Variants in IPO11 observed in about 807,000 individuals in gnomAD.
IPO11 encodes the protein importin 11, also known as importin-11.
In IPO11, 66 loss-of-function variants were observed where a neutral mutation model predicts 143.2. The ratio of observed to expected loss-of-function variants is 0.46; its 90% CI spans 0.38 to 0.57. The LOEUF (loss-of-function observed/expected upper bound fraction) is 0.57, where lower values mean the gene tolerates loss of function less well. Among genes scored for constraint, IPO11 ranks in the 20% least tolerant of loss-of-function variants. IPO11 has a pLI of 0.00. For missense variants in IPO11, 1,026 were observed against 1,141.0 expected (o/e 0.90, Z 1.45); for synonymous variants, 385 against 377.8 (o/e 1.02, Z -0.22).
chr5:62,438,119 G>A (rs1744306335), intron 2 of IPO11, among the ~76,000 whole-genome samples: 1 of 152,156 alleles, frequency 6.6e-6, no homozygotes, highest in African/African-American at 2.4e-5. Flanking sequence ...AACTGACTCA[G>A]TATTTGTGAC....
At chr5:62,598,523 TTTCTTTTCTTTC>T (rs1231325635) in intron 28 of IPO11, among the ~76,000 whole-genome samples, 2 of 11,648 alleles carry the variant, frequency 1.7e-4, no homozygotes, top group Non-Finnish European at 2.5e-4. Flanking sequence ...TCTTTCTTTC[TTTCTTTTCTTTC>T]TTTTCTTTCT....
At chr5:62,591,519 A>G in intron 27 of IPO11, 58 bp from the exon 28 acceptor site, 1 of 1,015,968 alleles carries the variant, frequency 9.8e-7, no homozygotes, top group Non-Finnish European at 1.4e-6. Context: ...GGAAAAAAAA[A>G]ACAAAAAGAA....
At chr5:62,614,234 A>G (rs546546304) in intron 29 of IPO11, among the ~76,000 whole-genome samples, 1 of 152,296 alleles carries the variant, frequency 6.6e-6, no homozygotes, top group African/African-American at 2.4e-5. Context: ...CATCCCCACA[A>G]TTGTCTTACT....
chr5:62,539,764 G>T (rs1191755065), intron 24 of IPO11, among the ~76,000 whole-genome samples: 1 of 152,094 alleles, frequency 6.6e-6, no homozygotes, highest in South Asian at 2.1e-4. Flanking sequence ...AATTTTTATT[G>T]CATTTATGCC....
chr5:62,610,831 T>G (rs1458360304), intron 29 of IPO11, among the ~76,000 whole-genome samples: 1 of 152,198 alleles, frequency 6.6e-6, no homozygotes, highest in East Asian at 1.9e-4. Context: ...CATTGATCTT[T>G]ATAATCAGTA....
intron 22 of IPO11, among the ~76,000 whole-genome samples, chr5:62,533,208 CTT>C (rs893780697): frequency 6.9e-5 from 8 of 116,582 alleles, no homozygotes; most frequent in African/African-American, 2.8e-4. Context: ...TTCTTTCTTT[CTT>C]TCTTCTTTTT....
intron 5 of IPO11, among the ~76,000 whole-genome samples, chr5:62,464,047 C>A (rs1262704061): frequency 6.6e-6 from 1 of 151,474 alleles, no homozygotes; most frequent in Non-Finnish European, 1.5e-5. Context: ...TGGTCTCGAA[C>A]TCCTGACCTC....
In IPO11 at chr5:62,435,082, GTGTATATATGTATATATGTATATATA is replaced by G. The variant is rs1561308698; in HGVS notation, c.-6-2130_-6-2105del. ...TATATGTATATATATGTATATATAT[GTGTATATATGTATATATGTATATATA>G]TGTATATATGTATATATGTATATAT... On this transcript the variant is annotated intron_variant, in intron 1 of 29. Coordinates refer to ENST00000325324, the MANE Select transcript of IPO11 (RefSeq NM_016338.5). Among the ~76,000 whole-genome samples, 15 of 94,502 alleles carry G rather than the reference GTGTATATATGTATATATGTATATATA, an allele frequency of 1.6e-4. 1 individual carries two copies. Among genetic ancestry groups the G allele is most frequent in the East Asian group, 2.9e-4 (1 of 3,422 alleles). 62.0% of individuals were successfully genotyped at this position (94,502 alleles called of 152,430 possible).
At chr5:62,572,545 G>GTTTGTTTATTTATTTA (rs375958074) in intron 27 of IPO11, among the ~76,000 whole-genome samples, 486 of 86,076 alleles carry the variant, frequency 5.6e-3, no homozygotes, top group African/African-American at 0.019. Context: ...ATATTTGTTT[G>GTTTGTTTATTTATTTA]TTTATTTATT....
intron 24 of IPO11, among the ~76,000 whole-genome samples, chr5:62,547,716 T>G (rs887147256): frequency 3.6e-4 from 55 of 152,214 alleles, no homozygotes; most frequent in African/African-American, 1.3e-3. Flanking sequence ...ACATTAATTC[T>G]AAGTACTCCC....
rs771115119 is a variant in IPO11 at position 62,489,308 on chromosome 5, C to T, written c.1316C>T (p.Thr439Ile). 8 of 1,549,864 alleles carry T rather than the reference C, an allele frequency of 5.2e-6. No homozygotes were observed. The highest frequency in any genetic ancestry group is 1.2e-5 in the South Asian group (1 of 82,020). Residue 439 changes from threonine (T) to isoleucine (I), a missense_variant, in exon 14 of 30, where the codon ACA becomes ATA. Transcript: ENST00000325324. ...LEMMQTLQGP[T>I]NVEDMNALLI... ...TTATATATATATTTTTTAGGACCCA[C>T]AAATGTGGAAGATATGAATGCACTG... is the stretch of plus-strand genomic sequence containing the variant.
At chr5:62,593,500 A>C (rs189074434) in intron 28 of IPO11, among the ~76,000 whole-genome samples, 1 of 152,256 alleles carries the variant, frequency 6.6e-6, no homozygotes, top group East Asian at 1.9e-4. Context: ...AAATAACAAC[A>C]ACAACAAAAA....
At chr5:62,624,162 G>A (rs1319058147) in intron 29 of IPO11, among the ~76,000 whole-genome samples, 1 of 152,078 alleles carries the variant, frequency 6.6e-6, no homozygotes, top group Non-Finnish European at 1.5e-5. Flanking sequence ...AGTCTCCCAA[G>A]TAGCTGAGAT....
At chr5:62,463,672 CA>C (rs34276216) in intron 5 of IPO11, among the ~76,000 whole-genome samples, 8,688 of 113,778 alleles carry the variant, frequency 0.076, 243 homozygotes, top group South Asian at 0.11. Context: ...CTCTTTGTCT[CA>C]AAAAAAAAAA....
rs184449341 is a variant in IPO11 at position 62,594,348 on chromosome 5, G to A, written c.2678+2676G>A. On this transcript the variant is annotated intron_variant, in intron 28 of 29. Transcript: ENST00000325324. ...TGTCCCTCCAGTGTGGAAATCACCA[G>A]TGGACCTCCATTGAGTACAGAATAC... is the stretch of plus-strand genomic sequence containing the variant. Among the ~76,000 whole-genome samples the A allele has an allele frequency of 3.4e-4, 51 of 152,182 alleles. 1 individual carries two copies. The highest frequency in any genetic ancestry group is 3.3e-3 in the Admixed American group (51 of 15,278).
rs1302443656 is a variant in IPO11 at position 62,537,133 on chromosome 5, A to G, written c.2170-76A>G. 13 of 856,620 alleles carry G rather than the reference A, an allele frequency of 1.5e-5. 1 individual carries two copies. The South Asian group carries it at 2.1e-4, about 14-fold the overall frequency. 53.1% of individuals were successfully genotyped at this position (856,620 alleles called of 1,614,324 possible). On this transcript the variant is annotated intron_variant, in intron 23 of 29. Transcript: ENST00000325324. ...ATAATTCTCAAGTATATTATAATGA[A>G]TCCCAAATGAAATTTTATGCCTTTT...
chr5:62,445,395 A>G (rs1207425186), intron 3 of IPO11, among the ~76,000 whole-genome samples: 1 of 152,146 alleles, frequency 6.6e-6, no homozygotes, highest in Non-Finnish European at 1.5e-5. Flanking sequence ...AATGTTAATT[A>G]TTATTAGAGA....
In IPO11 at chr5:62,526,194, A is replaced by G. The variant is rs778331137; in HGVS notation, c.1949A>G (p.Gln650Arg). Reference protein sequence around the residue: ...NLYPFLLPVIQLSTDVSQPPH... With the variant: ...NLYPFLLPVIRLSTDVSQPPH... ...TACCCTTTCCTGCTCCCAGTTATTC[A>G]ACTGAGTACAGATGTTTCACAGCCT... The change falls in exon 21 of 30, where the codon CAA becomes CGA. Residue 650 changes from glutamine (Q) to arginine (R), a missense_variant. Gln to Arg is a conservative substitution (Grantham distance 43). Transcript: ENST00000325324. The G allele has an allele frequency of 6.2e-7, 1 of 1,613,790 alleles. No homozygotes were observed. The highest frequency in any genetic ancestry group is 1.1e-5 in the South Asian group (1 of 91,078).
At position 62,537,213 on chromosome 5, in the gene IPO11, A is replaced by G. The variant is rs559321834; in HGVS notation, c.2174A>G (p.Tyr725Cys). ...FLSSTEFLQT[Y>C]AVGLCQSFCE... The stretch of plus-strand genomic sequence containing the variant: ...TGACTTTTAATTGAATTTCAGACAT[A>G]CGCAGTAGGTCTATGCCAGTCCTTT... Residue 725 changes from tyrosine (Y) to cysteine (C), a missense_variant, in exon 24 of 30, where the codon TAC (tyrosine) becomes TGC (cysteine). This residue lies in a region of IPO11 where 351 missense variants were observed against 358.9 expected (regional missense o/e 0.98). Transcript: ENST00000325324. 4.4e-6 allele frequency: 7 copies of G among 1,583,474 alleles called. No homozygotes were observed. In the South Asian group the frequency reaches 5.7e-5, roughly 13 times the overall value.
Sources: allele counts gnomAD v4.1 joint callset (sites outside exome capture counted in the v4.1 genomes callset), GRCh38; gene constraint gnomAD v4.1.1; regional missense constraint gnomAD v4.1.1; transcripts MANE v1.5; gene names NCBI Gene and HGNC (gene_info 2026-07-23, HGNC 2026-07-21).